CRYBG1: variants seen among roughly 807,000 people sequenced by gnomAD.
CRYBG1 encodes the protein beta/gamma crystallin domain-containing protein 1.
A neutral mutation model predicts 189.2 loss-of-function variants in CRYBG1; 139 were observed. That is an observed-to-expected ratio of 0.73 (90% CI 0.64 to 0.85). The LOEUF (loss-of-function observed/expected upper bound fraction) is 0.85. Among genes scored for constraint, CRYBG1 ranks in the 40% least tolerant of loss-of-function variants. The pLI, the probability that CRYBG1 is intolerant of heterozygous loss-of-function variation, is 0.00. For missense variants in CRYBG1, 2,611 were observed against 2,675.8 expected (o/e 0.98, Z 0.53); for synonymous variants, 1,023 against 1,017.1 (o/e 1.01, Z -0.11).
chr6:106,527,172 T>A (rs1046179581), intron 6 of CRYBG1, 133 bp from the exon 7 acceptor site: 6 of 647,122 alleles, frequency 9.3e-6, no homozygotes, highest in Non-Finnish European at 1.5e-5. Flanking sequence ...GAGTTTAAGC[T>A]ATTTTAATTG....
chr6:106,376,179 G>T (rs540471790), intron 1 of CRYBG1, among the ~76,000 whole-genome samples: 6 of 152,228 alleles, frequency 3.9e-5, no homozygotes, highest in Non-Finnish European at 8.8e-5. Context: ...ATATAGCTTA[G>T]CAGTAAAGAT....
intron 8 of CRYBG1, among the ~76,000 whole-genome samples, chr6:106,532,095 C>T (rs895538548): frequency 6.6e-6 from 1 of 152,102 alleles, no homozygotes; most frequent in Non-Finnish European, 1.5e-5. Context: ...TACCTGTATA[C>T]ATTGCATAAT....
intron 2 of CRYBG1, among the ~76,000 whole-genome samples, chr6:106,511,122 G>A (rs886489378): frequency 6.6e-6 from 1 of 152,072 alleles, no homozygotes; most frequent in Non-Finnish European, 1.5e-5. Context: ...ACCTAGAGAG[G>A]GCAAGGAACT....
chr6:106,531,745 C>A (rs1001269970), intron 8 of CRYBG1, among the ~76,000 whole-genome samples: 4 of 152,088 alleles, frequency 2.6e-5, no homozygotes, highest in Non-Finnish European at 5.9e-5. Context: ...AAAGTGAGCA[C>A]CCAAGTAGAC....
intron 1 of CRYBG1, among the ~76,000 whole-genome samples, chr6:106,426,976 C>T (rs1463047794): frequency 6.6e-6 from 1 of 151,950 alleles, no homozygotes; most frequent in Non-Finnish European, 1.5e-5. Flanking sequence ...TCCAGGTTTC[C>T]TTTTTTTTCT....
At chr6:106,388,373 G>A (rs1164197472) in intron 1 of CRYBG1, among the ~76,000 whole-genome samples, 1 of 152,122 alleles carries the variant, frequency 6.6e-6, no homozygotes, top group African/African-American at 2.4e-5. Flanking sequence ...GAAGGAAGGA[G>A]AGAGTTGATC....
At chr6:106,382,212 C>T (rs1770301810) in intron 1 of CRYBG1, among the ~76,000 whole-genome samples, 2 of 152,116 alleles carry the variant, frequency 1.3e-5, no homozygotes, top group South Asian at 4.1e-4. Context: ...ATTGCAGGGC[C>T]TAATTGCTGG....
chr6:106,560,409 C>T (rs1033042926), intron 18 of CRYBG1, among the ~76,000 whole-genome samples: 4 of 152,166 alleles, frequency 2.6e-5, no homozygotes, highest in African/African-American at 4.8e-5. Flanking sequence ...GCAGACAAAA[C>T]TTTTTATTTA....
intron 1 of CRYBG1, among the ~76,000 whole-genome samples, chr6:106,446,849 T>A (rs1012987416): frequency 3.9e-5 from 6 of 152,234 alleles, no homozygotes; most frequent in African/African-American, 1.4e-4. Context: ...CTCTTTTAAC[T>A]TGGGAAAGGG....
chr6:106,383,218 A>G (rs1770320146), intron 1 of CRYBG1, among the ~76,000 whole-genome samples: 1 of 152,212 alleles, frequency 6.6e-6, no homozygotes, highest in African/African-American at 2.4e-5. Flanking sequence ...ACTCAGGTGT[A>G]AAAAGCAGAT....
intron 2 of CRYBG1, among the ~76,000 whole-genome samples, chr6:106,508,208 A>C (rs1484627598): frequency 3.3e-5 from 5 of 152,232 alleles, no homozygotes; most frequent in African/African-American, 4.8e-5. Context: ...GTGCCACTGC[A>C]CACCAGGCTG....
chr6:106,520,724 A>G lies in CRYBG1; in HGVS notation c.3516A>G (p.Ser1172=), dbSNP rs770833441. Residue 1172 remains serine (S), a synonymous_variant, in exon 4 of 22, where the codon TCA becomes TCG. Coordinates refer to ENST00000633556, the MANE Select transcript of CRYBG1 (RefSeq NM_001371242.2). ...AGAAGGAAAGTCAGCCAGAAATGTC[A>G]CCGGCTTTACATTTGATGCAGAACC... ...GKKKESQPEM[S]PALHLMQNLD... 1 of 1,614,128 alleles carries G rather than the reference A, an allele frequency of 6.2e-7. No homozygotes were observed. The highest frequency in any genetic ancestry group is 1.7e-5 in the Admixed American group (1 of 60,018).
rs753982055 is a variant in CRYBG1 at position 106,544,575 on chromosome 6, G to A, written c.5044G>A (p.Val1682Ile). 81 of 1,613,442 alleles carry A rather than the reference G, an allele frequency of 5.0e-5. 2 individuals carry two copies. The South Asian group carries it at 6.4e-4, about 13-fold the overall frequency. The change falls in exon 12 of 22, where the codon GTT (valine) becomes ATT (isoleucine). Residue 1682 changes from valine (V) to isoleucine (I), a missense_variant. By Grantham distance (29) the Val-to-Ile change is conservative. Coordinates refer to ENST00000633556, the MANE Select transcript of CRYBG1 (RefSeq NM_001371242.2). ...CTCGTGTTCTTTATGTTGCAGTTGG[G>A]TTGCATATGAGAAACCTGGATTTAC... ...GSMKVLRGIWVAYEKPGFTGH... is the reference protein window; with the variant it reads ...GSMKVLRGIWIAYEKPGFTGH...
chr6:106,557,291 G>A (rs1172538146), intron 17 of CRYBG1, among the ~76,000 whole-genome samples: 1 of 152,086 alleles, frequency 6.6e-6, no homozygotes, highest in East Asian at 1.9e-4. Context: ...GTTTACTGAT[G>A]GACAAAATCT....
chr6:106,475,134 T>G (rs1471076627), intron 2 of CRYBG1, among the ~76,000 whole-genome samples: 1 of 152,158 alleles, frequency 6.6e-6, no homozygotes, highest in Non-Finnish European at 1.5e-5. Context: ...GTGTTCAGAA[T>G]AAATATATAA....
intron 13 of CRYBG1, among the ~76,000 whole-genome samples, chr6:106,545,177 A>G (rs1195391741): frequency 6.6e-6 from 1 of 152,078 alleles, no homozygotes; most frequent in Non-Finnish European, 1.5e-5. Flanking sequence ...AAATCTACAG[A>G]TCTGTTTCCC....
chr6:106,421,436 A>C (rs1771121334), intron 1 of CRYBG1, among the ~76,000 whole-genome samples: 2 of 152,180 alleles, frequency 1.3e-5, no homozygotes, highest in African/African-American at 4.8e-5. Flanking sequence ...GGTGGCAGAA[A>C]CCATAGTGTT....
At chr6:106,540,225 T>C (rs1042684367) in intron 9 of CRYBG1, among the ~76,000 whole-genome samples, 1 of 152,224 alleles carries the variant, frequency 6.6e-6, no homozygotes, top group Admixed American at 6.5e-5. Context: ...AGGCCGCATC[T>C]GTCTTGTCCC....
intron 1 of CRYBG1, among the ~76,000 whole-genome samples, chr6:106,413,726 G>C (rs887996253): frequency 6.6e-6 from 1 of 150,988 alleles, no homozygotes; most frequent in South Asian, 2.1e-4. Context: ...GCAGATCTTT[G>C]TCATGAGAAG....
Sources: gnomAD v4.1 joint callset for allele counts (sites outside exome capture counted in the v4.1 genomes callset) on GRCh38, gnomAD v4.1.1 for gene constraint, MANE v1.5 for transcripts, NCBI Gene and HGNC (gene_info 2026-07-23, HGNC 2026-07-21) for gene names.